The following CPE variants were observed in gnomAD, a reference collection of about 807,000 sequenced individuals.
The protein encoded by CPE is carbocypeptidase E.
A neutral mutation model predicts 53.5 loss-of-function variants in CPE; 17 were observed. The observed-to-expected ratio is 0.32, with a 90% CI of 0.22 to 0.48. The LOEUF is 0.48. Among genes scored for constraint, CPE ranks in the 20% least tolerant of loss-of-function variants. The pLI is 0.99. For synonymous variants in CPE, 226 were observed against 228.8 expected, an observed-to-expected ratio of 0.99 and a Z score of 0.11; for missense variants, 524 against 614.7, an observed-to-expected ratio of 0.85 and a Z score of 1.56.
chr4:165,424,113 A>T (rs28705685), intron 1 of CPE, among the ~76,000 whole-genome samples: 44,606 of 151,322 alleles, frequency 0.29, 6,642 homozygotes, highest in Middle Eastern at 0.39. Flanking sequence ...GCCATATATA[A>T]CTTCTTGCTG....
Position 165,401,189 on chromosome 4 carries a change from C to A in CPE, c.307+21661C>A, listed in dbSNP as rs368394465. ...TTCTGCGGCCTTCTCTTCTGTACAC[C>A]CTGTAAGTGGTGCCATTGCTTAGAG... On this transcript the variant is annotated intron_variant, in intron 1 of 8. Transcript: ENST00000402744. 8.5e-5 allele frequency among the ~76,000 whole-genome samples: 13 copies of A among 152,260 alleles called. 1 individual carries two copies. The highest frequency in any genetic ancestry group is 3.3e-4 in the Admixed American group (5 of 15,290).
chr4:165,407,786 C>T (rs1398710822), intron 1 of CPE, among the ~76,000 whole-genome samples: 1 of 151,930 alleles, frequency 6.6e-6, no homozygotes, highest in Non-Finnish European at 1.5e-5. Context: ...GAACTCCTGA[C>T]CTCAGGTGAT....
At chr4:165,405,568 T>G (rs1490805032) in intron 1 of CPE, 22 of 857,176 alleles carry the variant, frequency 2.6e-5, no homozygotes, top group Non-Finnish European at 4.2e-5. Flanking sequence ...ACGCTGTTAA[T>G]TTTTCCACTA....
chr4:165,469,384 T>A (rs1732162307), intron 3 of CPE, among the ~76,000 whole-genome samples: 1 of 152,204 alleles, frequency 6.6e-6, no homozygotes, highest in African/African-American at 2.4e-5. Flanking sequence ...TGCTGGGTCA[T>A]TCCAGCAGCT....
At chr4:165,387,298 T>G (rs548981834) in intron 1 of CPE, among the ~76,000 whole-genome samples, 1 of 152,300 alleles carries the variant, frequency 6.6e-6, no homozygotes, top group Admixed American at 6.5e-5. Flanking sequence ...ATGAATTACT[T>G]ATGATAATAC....
intron 1 of CPE, among the ~76,000 whole-genome samples, chr4:165,417,735 G>T (rs992687560): frequency 6.7e-6 from 1 of 149,424 alleles, no homozygotes; most frequent in African/African-American, 2.5e-5. Flanking sequence ...AGGGCCTTAA[G>T]TTCAGTTCCT....
intron 1 of CPE, among the ~76,000 whole-genome samples, chr4:165,410,771 C>A (rs1013829926): frequency 1.3e-5 from 2 of 151,954 alleles, no homozygotes; most frequent in Non-Finnish European, 2.9e-5. Flanking sequence ...ATTTTATTTT[C>A]TTTTAATTTA....
intron 1 of CPE, among the ~76,000 whole-genome samples, chr4:165,384,117 A>G (rs1730547790): frequency 6.6e-6 from 1 of 152,228 alleles, no homozygotes; most frequent in Non-Finnish European, 1.5e-5. Context: ...ATTTCTAAAT[A>G]TTATTAAGAA....
chr4:165,445,719 C>T (rs1345507131), intron 1 of CPE, among the ~76,000 whole-genome samples: 1 of 152,080 alleles, frequency 6.6e-6, no homozygotes, highest in Non-Finnish European at 1.5e-5. Flanking sequence ...TAATATTTGA[C>T]TTAATAAAAT....
chr4:165,434,576 C>T (rs1202159731), intron 1 of CPE, among the ~76,000 whole-genome samples: 1 of 152,122 alleles, frequency 6.6e-6, no homozygotes, highest in Admixed American at 6.6e-5. Flanking sequence ...TTACTTTCAG[C>T]ACCTAAAGAA....
chr4:165,448,228 A>G (rs1457763727), intron 1 of CPE, among the ~76,000 whole-genome samples: 1 of 152,220 alleles, frequency 6.6e-6, no homozygotes, highest in Non-Finnish European at 1.5e-5. Context: ...AAAACTTCAG[A>G]TAATTTTGTT....
chr4:165,479,138 G>A (rs1732356608), intron 3 of CPE, among the ~76,000 whole-genome samples: 1 of 152,148 alleles, frequency 6.6e-6, no homozygotes, highest in Non-Finnish European at 1.5e-5. Flanking sequence ...ATAGAAGAGT[G>A]TGTTAAACTC....
At chr4:165,487,614 C>A (rs1485039804) in intron 6 of CPE, 37 bp downstream of exon 6, 2 of 1,611,734 alleles carry the variant, frequency 1.2e-6, no homozygotes, top group African/African-American at 2.7e-5. Flanking sequence ...GCAAGGTTTA[C>A]AAGCATTCAA....
intron 1 of CPE, among the ~76,000 whole-genome samples, chr4:165,454,071 A>C (rs1731859219): frequency 6.6e-6 from 1 of 152,160 alleles, no homozygotes. Flanking sequence ...CCATGGTGTA[A>C]ATACTCCCAT....
intron 8 of CPE, among the ~76,000 whole-genome samples, chr4:165,496,117 C>A (rs891621445): frequency 2.6e-5 from 4 of 152,032 alleles, no homozygotes; most frequent in Non-Finnish European, 5.9e-5. Context: ...GTATCAAAAA[C>A]CATATCTTAT....
chr4:165,475,476 G>A (rs1261532035), intron 3 of CPE, among the ~76,000 whole-genome samples: 1 of 152,204 alleles, frequency 6.6e-6, no homozygotes, highest in Non-Finnish European at 1.5e-5. Flanking sequence ...AATGCAGCAA[G>A]AGCCATGGGC....
chr4:165,386,687 GGAAGA>G (rs1352324695), intron 1 of CPE, among the ~76,000 whole-genome samples: 2 of 152,134 alleles, frequency 1.3e-5, no homozygotes, highest in Non-Finnish European at 2.9e-5. Context: ...TCTTCCTTTT[GGAAGA>G]GAAGAGTCTT....
intron 2 of CPE, among the ~76,000 whole-genome samples, chr4:165,465,624 T>G (rs1017209829): frequency 6.6e-6 from 1 of 152,066 alleles, no homozygotes; most frequent in African/African-American, 2.4e-5. Flanking sequence ...CATTATAAAA[T>G]GAAACAAATA....
intron 1 of CPE, among the ~76,000 whole-genome samples, chr4:165,439,773 C>G (rs17046491): frequency 0.021 from 3,192 of 152,050 alleles, 111 homozygotes; most frequent in African/African-American, 0.071. Context: ...AAGATAGGGG[C>G]AGCAGACTGA....
Sources: allele counts gnomAD v4.1 joint callset (sites outside exome capture counted in the v4.1 genomes callset), GRCh38; gene constraint gnomAD v4.1.1; transcripts MANE v1.5; gene names NCBI Gene and HGNC (gene_info 2026-07-23, HGNC 2026-07-21).